CACNA2D3: variants seen among roughly 807,000 people sequenced by gnomAD.
The protein encoded by CACNA2D3 is voltage-dependent calcium channel subunit alpha-2/delta-3.
A neutral mutation model predicts 160.6 loss-of-function variants in CACNA2D3; 60 were observed. The observed-to-expected ratio is 0.37, with a 90% CI of 0.30 to 0.46. The LOEUF (loss-of-function observed/expected upper bound fraction) is 0.46. Among genes scored for constraint, CACNA2D3 ranks in the 20% least tolerant of loss-of-function variants. The probability of loss-of-function intolerance (pLI) is 1.00; values close to 1 mark genes in which losing one functional copy is unlikely to be tolerated. For synonymous variants in CACNA2D3, 558 were observed against 492.9 expected (o/e 1.13, Z -1.75); for missense variants, 1,205 against 1,365.0 (o/e 0.88, Z 1.85).
chr3:54,739,935 G>T (rs758409292), intron 11 of CACNA2D3, among the ~76,000 whole-genome samples: 1 of 151,884 alleles, frequency 6.6e-6, no homozygotes, highest in Non-Finnish European at 1.5e-5. Context: ...TACAACTTCC[G>T]CAAGGGCAGA....
chr3:55,005,525 T>C (rs528648108), intron 32 of CACNA2D3, among the ~76,000 whole-genome samples: 1 of 152,254 alleles, frequency 6.6e-6, no homozygotes, highest in African/African-American at 2.4e-5. Context: ...TTTGCCCTAA[T>C]TCCCATTTTG....
At chr3:54,346,771 C>T (rs1023536543) in intron 3 of CACNA2D3, among the ~76,000 whole-genome samples, 1 of 152,136 alleles carries the variant, frequency 6.6e-6, no homozygotes, top group African/African-American at 2.4e-5. Flanking sequence ...GTGTAATGTC[C>T]TGTATCCGTC....
intron 27 of CACNA2D3, among the ~76,000 whole-genome samples, chr3:54,962,784 T>C (rs1455840649): frequency 6.6e-6 from 1 of 152,174 alleles, no homozygotes; most frequent in Non-Finnish European, 1.5e-5. Context: ...ACTGGAGGGC[T>C]GGGCAAATGG....
At chr3:54,201,251 GAA>G (rs1291691602) in intron 2 of CACNA2D3, among the ~76,000 whole-genome samples, 1 of 152,150 alleles carries the variant, frequency 6.6e-6, no homozygotes, top group African/African-American at 2.4e-5. Context: ...GCAGCTACCA[GAA>G]AATTTGAAAT....
chr3:54,736,458 A>C (rs1312773628), intron 11 of CACNA2D3, among the ~76,000 whole-genome samples: 1 of 152,088 alleles, frequency 6.6e-6, no homozygotes, highest in Non-Finnish European at 1.5e-5. Flanking sequence ...TTGCTGTGTC[A>C]AAGGTTATGC....
chr3:54,855,836 A>C (rs1699157619), intron 17 of CACNA2D3, among the ~76,000 whole-genome samples: 1 of 152,180 alleles, frequency 6.6e-6, no homozygotes, highest in South Asian at 2.1e-4. Flanking sequence ...TGAATCCCAA[A>C]GTCTGGGAAC....
At chr3:54,679,081 G>T (rs1418924117) in intron 11 of CACNA2D3, among the ~76,000 whole-genome samples, 3 of 152,150 alleles carry the variant, frequency 2.0e-5, no homozygotes, top group Non-Finnish European at 4.4e-5. Context: ...TGTCAGCCAG[G>T]CAGCCCCTCT....
chr3:54,936,413 T>C (rs1701330763), intron 27 of CACNA2D3, among the ~76,000 whole-genome samples: 2 of 152,138 alleles, frequency 1.3e-5, no homozygotes, highest in African/African-American at 4.8e-5. Context: ...GCTCTACATA[T>C]CTCTGCTTGT....
At chr3:54,579,666 A>C (rs1702642481) in intron 8 of CACNA2D3, among the ~76,000 whole-genome samples, 1 of 152,222 alleles carries the variant, frequency 6.6e-6, no homozygotes, top group Non-Finnish European at 1.5e-5. Context: ...CAAATGAGTC[A>C]GCAAGGGAAG....
At chr3:54,981,022 C>T (rs1350013451) in intron 29 of CACNA2D3, among the ~76,000 whole-genome samples, 1 of 152,146 alleles carries the variant, frequency 6.6e-6, no homozygotes, top group African/African-American at 2.4e-5. Context: ...ACACATACAA[C>T]ACATATAAAT....
At chr3:54,658,133 C>T (rs1048396999) in intron 11 of CACNA2D3, among the ~76,000 whole-genome samples, 2 of 152,240 alleles carry the variant, frequency 1.3e-5, no homozygotes, top group African/African-American at 4.8e-5. Context: ...AATAGTGCTG[C>T]AGTGAACATG....
chr3:54,345,885 A>G (rs1047266682), intron 3 of CACNA2D3, among the ~76,000 whole-genome samples: 8 of 151,614 alleles, frequency 5.3e-5, no homozygotes, highest in African/African-American at 1.7e-4. Flanking sequence ...AAAGTTTTGC[A>G]GGAAATCAGG....
chr3:54,629,762 T>C (rs1338529882), intron 10 of CACNA2D3, among the ~76,000 whole-genome samples: 2 of 152,184 alleles, frequency 1.3e-5, no homozygotes, highest in Non-Finnish European at 2.9e-5. Context: ...TGAAAAGACC[T>C]GTTACAGTTT....
intron 2 of CACNA2D3, among the ~76,000 whole-genome samples, chr3:54,266,043 A>G (rs759073790): frequency 6.6e-6 from 1 of 152,112 alleles, no homozygotes; most frequent in Non-Finnish European, 1.5e-5. Context: ...ATATGGGCCA[A>G]TTTTTTCTTT....
At chr3:54,323,356 C>T (rs981105498) in intron 3 of CACNA2D3, among the ~76,000 whole-genome samples, 1 of 152,152 alleles carries the variant, frequency 6.6e-6, no homozygotes, top group African/African-American at 2.4e-5. Context: ...TGTAGCCTTG[C>T]ACTGGAATGC....
rs868229339 is a variant in CACNA2D3 at position 54,609,574 on chromosome 3, A to C, written c.964-18213A>C. 1.7e-4 allele frequency among the ~76,000 whole-genome samples: 26 copies of C among 152,294 alleles called. 2 individuals carry two copies. The South Asian group carries it at 4.6e-3, about 27-fold the overall frequency. ...GTGTTTCTCAAAAATGTACTTGAGG[A>C]AATAGCAGTTCTATGATGTGATCTT... On this transcript the variant is annotated intron_variant, in intron 9 of 37. Transcript: ENST00000474759.
chr3:54,993,700 T>C (rs1702789500), intron 31 of CACNA2D3, among the ~76,000 whole-genome samples: 1 of 152,130 alleles, frequency 6.6e-6, no homozygotes, highest in Non-Finnish European at 1.5e-5. Flanking sequence ...CCAAAGGCTC[T>C]TCCCTTGTTC....
chr3:54,570,058 C>G lies in CACNA2D3; in HGVS notation c.842C>G (p.Ser281Cys), dbSNP rs1255013492. ...RLTIAKQTVS[S>C]ILDTLGDDDF... ...ACTATCGCGAAGCAAACAGTCTCATCCATTTTGGATACACTTGGGGATGAT... is the reference window on the plus strand; with the variant it reads ...ACTATCGCGAAGCAAACAGTCTCATGCATTTTGGATACACTTGGGGATGAT... The change falls in exon 8 of 38, where the codon TCC (serine) becomes TGC (cysteine). Residue 281 changes from serine (S) to cysteine (C), a missense_variant. Ser to Cys is a moderately radical substitution (Grantham distance 112, BLOSUM62 -1). This residue lies in a region of CACNA2D3 where 131 missense variants were observed against 201.5 expected (regional missense o/e 0.65). Coordinates refer to ENST00000474759, the MANE Select transcript of CACNA2D3 (RefSeq NM_018398.3). The G allele has an allele frequency of 6.2e-7, 1 of 1,613,848 alleles. No homozygotes were observed. Among genetic ancestry groups the G allele is most frequent in the Non-Finnish European group, 8.5e-7 (1 of 1,179,852 alleles).
At chr3:55,071,502 A>G (rs962660448) in intron 35 of CACNA2D3, among the ~76,000 whole-genome samples, 1 of 152,358 alleles carries the variant, frequency 6.6e-6, no homozygotes, top group Non-Finnish European at 1.5e-5. Context: ...GATTTAGAAT[A>G]TAGACACTGG....
Sources: gnomAD v4.1 joint callset for allele counts (sites outside exome capture counted in the v4.1 genomes callset) on GRCh38, gnomAD v4.1.1 for gene constraint, gnomAD v4.1.1 regional missense constraint, MANE v1.5 for transcripts, NCBI Gene and HGNC (gene_info 2026-07-23, HGNC 2026-07-21) for gene names.